The following CSNK2A1 variants were observed in gnomAD, a reference collection of about 807,000 sequenced individuals.
The protein encoded by CSNK2A1 is casein kinase 2 alpha 1.
Under a neutral mutation model 62.9 loss-of-function variants are expected in CSNK2A1, and 10 were observed. The ratio of observed to expected loss-of-function variants is 0.16; its 90% CI spans 0.10 to 0.27. CSNK2A1 has a LOEUF of 0.27. Among genes scored for constraint, CSNK2A1 ranks in the 10% least tolerant of loss-of-function variants. The pLI is 1.00. For missense variants in CSNK2A1, 160 were observed against 492.0 expected, an observed-to-expected ratio of 0.33 and a Z score of 6.38; for synonymous variants, 124 against 167.8, an observed-to-expected ratio of 0.74 and a Z score of 2.02.
chr20:543,648 C>A, intron 1 of CSNK2A1, 24 bp downstream of exon 1: 1 of 397,952 alleles, frequency 2.5e-6, no homozygotes, highest in Non-Finnish European at 4.4e-6. Flanking sequence ...CGCCAACGAC[C>A]TCGCCTGGCT....
At chr20:515,095 T>A (rs2268628) in intron 2 of CSNK2A1, among the ~76,000 whole-genome samples, 46,371 of 151,848 alleles carry the variant, frequency 0.31, 7,657 homozygotes, top group East Asian at 0.68. Context: ...TCTGGCTGAG[T>A]GTGGGACAGG....
chr20:532,728 G>T (rs557181752), intron 1 of CSNK2A1, among the ~76,000 whole-genome samples: 57 of 152,146 alleles, frequency 3.7e-4, no homozygotes, highest in Non-Finnish European at 7.5e-4. Flanking sequence ...CATGCAGCAG[G>T]TTGAGAAAAC....
At position 482,809 on chromosome 20, in the gene CSNK2A1, CAA is replaced by C. The variant is rs2122488960; in HGVS notation, c.*1150_*1151del. Reference sequence around the variant, plus strand: ...ACAGCAAGGGGTGGCGGGGCTGTAACAAGAGAGTTTATAGTTTTCCCACAATT... The same window carrying C: ...ACAGCAAGGGGTGGCGGGGCTGTAACGAGAGTTTATAGTTTTCCCACAATT... On this transcript the variant is annotated 3_prime_UTR_variant, in exon 14 of 14. Coordinates refer to ENST00000217244, the MANE Select transcript of CSNK2A1 (RefSeq NM_177559.3). 6.6e-6 allele frequency: 1 copy of C among 152,664 alleles called. No homozygotes were observed. The highest frequency in any genetic ancestry group is 1.5e-5 in the Non-Finnish European group (1 of 68,046). 9.5% of individuals were successfully genotyped at this position (152,664 alleles called of 1,614,324 possible). A position where few individuals can be genotyped will look rare whatever the true frequency, so the allele number is the denominator to read the frequency against.
intron 2 of CSNK2A1, among the ~76,000 whole-genome samples, chr20:525,519 CG>C (rs1247755475): frequency 6.6e-6 from 1 of 151,394 alleles, no homozygotes; most frequent in Non-Finnish European, 1.5e-5. Flanking sequence ...GGCATGGTGG[CG>C]GGCGCCTGTA....
Position 524,132 on chromosome 20 carries a change from GATAC to G in CSNK2A1, c.-110+3797_-110+3800del, listed in dbSNP as rs2019014092. On this transcript the variant is annotated intron_variant, in intron 2 of 13. Transcript: ENST00000217244. ...ATTCTATCACATGCTGTCTAAAAGAGATACATCTAGGCCGGGTGCAGCTGCTCAC... is the reference window on the plus strand; with the variant it reads ...ATTCTATCACATGCTGTCTAAAAGAGATCTAGGCCGGGTGCAGCTGCTCAC... 2.0e-5 allele frequency among the ~76,000 whole-genome samples: 3 copies of G among 151,550 alleles called. No individual in the cohort carries two copies. In the South Asian group the frequency reaches 6.3e-4, roughly 32 times the overall value.
chr20:508,703 A>C (rs945340503), intron 2 of CSNK2A1, 43 bp from the exon 3 acceptor site: 9 of 655,726 alleles, frequency 1.4e-5, no homozygotes, highest in Admixed American at 3.1e-5. Flanking sequence ...TCATTTACAG[A>C]AGGTATATGG....
Position 509,876 on chromosome 20 carries a change from C to G in CSNK2A1, c.-109-1216G>C, listed in dbSNP as rs1382834171. ...ACAGATGTGAGCCACCGCACCCAGCCATAACTTCAATTCAATTACCAGGAA... is the reference window on the plus strand; with the variant it reads ...ACAGATGTGAGCCACCGCACCCAGCGATAACTTCAATTCAATTACCAGGAA... On this transcript the variant is annotated intron_variant, in intron 2 of 13. Coordinates refer to ENST00000217244, the MANE Select transcript of CSNK2A1 (RefSeq NM_177559.3). Among the ~76,000 whole-genome samples, 10 of 152,298 alleles carry G rather than the reference C, an allele frequency of 6.6e-5. No homozygotes were observed. In the East Asian group the frequency reaches 1.9e-3, roughly 29 times the overall value.
At chr20:508,917 T>C (rs2018660274) in intron 2 of CSNK2A1, among the ~76,000 whole-genome samples, 1 of 152,244 alleles carries the variant, frequency 6.6e-6, no homozygotes, top group Non-Finnish European at 1.5e-5. Context: ...ATTTGAATGA[T>C]TTTTGTAAGA....
rs1450302746 is a variant in CSNK2A1 at position 482,287 on chromosome 20, A to G, written c.*1674T>C. On this transcript the variant is annotated 3_prime_UTR_variant, in exon 14 of 14. Coordinates refer to ENST00000217244, the MANE Select transcript of CSNK2A1 (RefSeq NM_177559.3). ...TCCCACAAGCAGCTACTGTAATGAA[A>G]TAACAGGAGAAAATACAGAGCTGAT... 1 of 152,236 alleles carries G rather than the reference A, an allele frequency of 6.6e-6. No homozygotes were observed. The highest frequency in any genetic ancestry group is 2.4e-5 in the African/African-American group (1 of 41,468). The allele number at this position is 152,236 out of a possible 1,614,324, so 9.4% of individuals were successfully genotyped here.
intron 12 of CSNK2A1, 151 bp downstream of exon 12, chr20:487,276 T>C (rs773507046): frequency 6.5e-5 from 65 of 999,424 alleles, no homozygotes; most frequent in Non-Finnish European, 8.8e-5. Flanking sequence ...AATTCTGCAA[T>C]GTAGTTGCCA....
At chr20:500,616 A>G (rs2018440269) in intron 4 of CSNK2A1, 1 of 151,800 alleles carries the variant, frequency 6.6e-6, no homozygotes, top group Admixed American at 6.6e-5. Context: ...ATAACTGTCT[A>G]GCCTGATCAC....
At chr20:495,597 C>G (rs1301310144) in intron 8 of CSNK2A1, 122 bp downstream of exon 8, 1 of 716,734 alleles carries the variant, frequency 1.4e-6, no homozygotes, top group Non-Finnish European at 2.4e-6. Flanking sequence ...ATTCATTCAC[C>G]AAATATTTCT....
intron 1 of CSNK2A1, among the ~76,000 whole-genome samples, chr20:533,667 A>G (rs1479080106): frequency 5.3e-5 from 8 of 152,256 alleles, no homozygotes; most frequent in Admixed American, 3.9e-4. Context: ...CTTCCATAAA[A>G]CAAACCAGGA....
rs2017907315 is a variant in CSNK2A1 at position 479,153 on chromosome 20, G to A, written c.*4808C>T. 2 of 152,298 alleles carry A rather than the reference G, an allele frequency of 1.3e-5. No individual in the cohort carries two copies. The highest frequency in any genetic ancestry group is 2.4e-5 in the African/African-American group (1 of 41,436). The allele number at this position is 152,298 out of a possible 1,614,324, so 9.4% of individuals were successfully genotyped here. ...TAAAGACACTTTACTGCCACCTGCT[G>A]GAAAAGAGTCAGAAATTTTCCAAAT... On this transcript the variant is annotated 3_prime_UTR_variant, in exon 14 of 14. Transcript: ENST00000217244.
intron 9 of CSNK2A1, among the ~76,000 whole-genome samples, chr20:490,732 G>A (rs962233026): frequency 2.7e-5 from 4 of 146,812 alleles, no homozygotes; most frequent in African/African-American, 1.0e-4. Context: ...AAGACACAGG[G>A]TCTTGCTCTG....
At position 505,110 on chromosome 20, in the gene CSNK2A1, G is replaced by C. The variant is rs1487019449; in HGVS notation, c.213+8C>G. 1.2e-6 allele frequency: 2 copies of C among 1,603,158 alleles called. No individual in the cohort carries two copies. Among genetic ancestry groups the C allele is most frequent in the Non-Finnish European group, 1.7e-6 (2 of 1,172,906 alleles). On this transcript the variant is annotated splice_region_variant and intron_variant, in intron 4 of 13. Coordinates refer to ENST00000217244, the MANE Select transcript of CSNK2A1 (RefSeq NM_177559.3). ...CCAAATACCTCTGAAATTATCTCTTGTACTCACCTTGAGAATTTTAACAAC... is the reference window on the plus strand; with the variant it reads ...CCAAATACCTCTGAAATTATCTCTTCTACTCACCTTGAGAATTTTAACAAC...
intron 1 of CSNK2A1, chr20:540,756 A>G (rs2019433586): frequency 6.6e-6 from 1 of 152,146 alleles, no homozygotes; most frequent in South Asian, 2.1e-4. Context: ...AATCTATACT[A>G]GTGTTCTACT....
intron 1 of CSNK2A1, among the ~76,000 whole-genome samples, chr20:535,685 G>A (rs111338178): frequency 0.035 from 5,275 of 150,736 alleles, 279 homozygotes; most frequent in African/African-American, 0.11. Context: ...GAACCCAGGA[G>A]GCAGAGATTG....
chr20:514,769 A>C (rs904085467), intron 2 of CSNK2A1, among the ~76,000 whole-genome samples: 1 of 152,182 alleles, frequency 6.6e-6, no homozygotes, highest in African/African-American at 2.4e-5. Context: ...ATTTAGAAAT[A>C]GTATTTCACT....
Sources: gnomAD v4.1 joint callset for allele counts (sites outside exome capture counted in the v4.1 genomes callset) on GRCh38, gnomAD v4.1.1 for gene constraint, MANE v1.5 for transcripts, NCBI Gene and HGNC (gene_info 2026-07-23, HGNC 2026-07-21) for gene names.